TMEM131L: variants seen among roughly 807,000 people sequenced by gnomAD.
The protein encoded by TMEM131L is transmembrane protein 131-like.
Under a neutral mutation model 192.2 loss-of-function variants are expected in TMEM131L, and 54 were observed. The observed-to-expected ratio is 0.28, with a 90% confidence interval of 0.23 to 0.35. TMEM131L has a LOEUF of 0.35. Ranked by LOEUF, TMEM131L falls within the 10% of genes least tolerant of loss-of-function variation. The probability of loss-of-function intolerance (pLI) is 1.00; values close to 1 mark genes in which losing one functional copy is unlikely to be tolerated. For missense variants in TMEM131L, 1,888 were observed against 1,972.9 expected, an observed-to-expected ratio of 0.96 and a Z score of 0.82; for synonymous variants, 701 against 704.9, an observed-to-expected ratio of 0.99 and a Z score of 0.09.
At chr4:153,548,027 T>TC (rs71598297) in intron 3 of TMEM131L, among the ~76,000 whole-genome samples, 33,523 of 152,032 alleles carry the variant, frequency 0.22, 5,357 homozygotes, top group East Asian at 0.44. Context: ...TGTTTTTTTT[T>TC]TTCTTCTTCT....
At chr4:153,556,898 A>T in intron 5 of TMEM131L, 68 bp from the exon 6 acceptor site, 2 of 749,960 alleles carry the variant, frequency 2.7e-6, no homozygotes, top group Non-Finnish European at 4.7e-6. Context: ...TCAAAAAAAG[A>T]AAGTCTGTGA....
rs1202625607 is a variant in TMEM131L, at chr4:153,550,148, ATCTTT to A, written c.308+13_308+17del. ...TTTTAGATTTTGGAATACAGTAAGT[ATCTTT>A]TCTTTATAATTAAAACTCATTTTAT... On this transcript the variant is annotated splice_region_variant and intron_variant, in intron 4 of 34. Coordinates refer to ENST00000409959, the MANE Select transcript of TMEM131L (RefSeq NM_001131007.2). 7 of 1,218,516 alleles carry A rather than the reference ATCTTT, an allele frequency of 5.7e-6. No homozygotes were observed. The highest frequency in any genetic ancestry group is 7.9e-6 in the Non-Finnish European group (7 of 882,354). The allele number at this position is 1,218,516 out of a possible 1,614,324, so 75.5% of individuals were successfully genotyped here.
intron 31 of TMEM131L, among the ~76,000 whole-genome samples, chr4:153,628,274 G>C (rs750618769): frequency 2.0e-5 from 3 of 152,220 alleles, no homozygotes; most frequent in African/African-American, 7.2e-5. Context: ...GGGTGGGAAG[G>C]AAACCTCTCC....
At chr4:153,472,077 T>TA (rs140866546) in intron 2 of TMEM131L, among the ~76,000 whole-genome samples, 6,615 of 151,052 alleles carry the variant, frequency 0.044, 345 homozygotes, top group African/African-American at 0.12. Context: ...CCATCAACAT[T>TA]AAAAAAAAAT....
chr4:153,496,792 T>C (rs560828907), intron 3 of TMEM131L, among the ~76,000 whole-genome samples: 1 of 152,114 alleles, frequency 6.6e-6, no homozygotes, highest in Admixed American at 6.5e-5. Context: ...GCTCAAGTGA[T>C]CCACTCGCTT....
chr4:153,599,961 C>T (rs984881255), intron 21 of TMEM131L, among the ~76,000 whole-genome samples: 36 of 152,102 alleles, frequency 2.4e-4, no homozygotes, highest in Non-Finnish European at 2.9e-4. Context: ...TCTCTTGAAC[C>T]CAGGAGGCGG....
chr4:153,605,288 A>AG (rs1486784339), intron 25 of TMEM131L, among the ~76,000 whole-genome samples: 3 of 152,214 alleles, frequency 2.0e-5, no homozygotes, highest in African/African-American at 7.2e-5. Context: ...CTCTAGCATA[A>AG]GGGCCTGTGC....
chr4:153,544,063 C>G (rs1197624968), intron 3 of TMEM131L, among the ~76,000 whole-genome samples: 1 of 152,222 alleles, frequency 6.6e-6, no homozygotes, highest in Non-Finnish European at 1.5e-5. Context: ...CATCCAGCGG[C>G]TAAAGCCATT....
chr4:153,558,949 T>C (rs1445757259), intron 7 of TMEM131L, among the ~76,000 whole-genome samples: 3 of 152,368 alleles, frequency 2.0e-5, no homozygotes, highest in Non-Finnish European at 4.4e-5. Context: ...GGCTACTTTT[T>C]CCCTTTGATT....
chr4:153,582,131 A>G (rs993481394), intron 9 of TMEM131L, among the ~76,000 whole-genome samples: 2 of 152,180 alleles, frequency 1.3e-5, no homozygotes, highest in Non-Finnish European at 2.9e-5. Context: ...AACGTAGAGT[A>G]TACTAGTATC....
At chr4:153,476,436 G>A (rs769965012) in intron 3 of TMEM131L, among the ~76,000 whole-genome samples, 1 of 152,080 alleles carries the variant, frequency 6.6e-6, no homozygotes, top group Non-Finnish European at 1.5e-5. Context: ...AGTGGCTGAC[G>A]CCTGTAATCA....
At chr4:153,547,329 CA>C (rs1488117761) in intron 3 of TMEM131L, among the ~76,000 whole-genome samples, 1 of 152,146 alleles carries the variant, frequency 6.6e-6, no homozygotes, top group Non-Finnish European at 1.5e-5. Flanking sequence ...ATGAGACAGC[CA>C]AAGTTTATAT....
At chr4:153,511,666 T>C (rs1480421924) in intron 3 of TMEM131L, among the ~76,000 whole-genome samples, 1 of 152,194 alleles carries the variant, frequency 6.6e-6, no homozygotes, top group African/African-American at 2.4e-5. Flanking sequence ...CCTTTTTCCA[T>C]CTATATATGT....
At chr4:153,587,672 T>A (rs776918683) in intron 14 of TMEM131L, 70 bp from the exon 15 acceptor site, 15 of 1,137,556 alleles carry the variant, frequency 1.3e-5, no homozygotes, top group Non-Finnish European at 1.9e-5. Context: ...CTGCTTTGAA[T>A]TTTAGTGCAT....
At chr4:153,481,272 T>A (rs1372886644) in intron 3 of TMEM131L, among the ~76,000 whole-genome samples, 8 of 152,188 alleles carry the variant, frequency 5.3e-5, no homozygotes, top group Admixed American at 5.2e-4. Flanking sequence ...TTTCTCAGGG[T>A]ACCCAAGTTT....
At chr4:153,493,389 A>C (rs980694851) in intron 3 of TMEM131L, among the ~76,000 whole-genome samples, 6 of 129,290 alleles carry the variant, frequency 4.6e-5, no homozygotes, top group Non-Finnish European at 8.2e-5. Context: ...GGCTGGGCGC[A>C]GTGGCTCACA....
rs181769972 is a variant in TMEM131L, at chr4:153,634,353, A to G, written c.4417+73A>G. ...GGTCAAAGCAGGAAGTGTGTGGACT[A>G]AGAAGAATCCTTTTAACAGCGAGCA... On this transcript the variant is annotated intron_variant, in intron 33 of 34. Coordinates refer to ENST00000409959, the MANE Select transcript of TMEM131L (RefSeq NM_001131007.2). 5,614 of 1,221,908 alleles carry G rather than the reference A, an allele frequency of 4.6e-3. 22 individuals are homozygous for G. Among genetic ancestry groups the G allele is most frequent in the Middle Eastern group, 7.7e-3 (41 of 5,310 alleles). 75.7% of individuals were successfully genotyped at this position (1,221,908 alleles called of 1,614,324 possible).
rs761335144 is a variant in TMEM131L at position 153,604,227 on chromosome 4, C to T, written c.3215C>T (p.Ser1072Leu). 33 of 1,613,906 alleles carry T rather than the reference C, an allele frequency of 2.0e-5. No individual in the cohort carries two copies. Among genetic ancestry groups the T allele is most frequent in the Non-Finnish European group, 2.5e-5 (30 of 1,179,944 alleles). Residue 1072 changes from serine to leucine, a missense_variant, in exon 25 of 35, where the codon TCA becomes TTA. By Grantham distance (145) the Ser-to-Leu change is moderately radical. Coordinates refer to ENST00000409959, the MANE Select transcript of TMEM131L (RefSeq NM_001131007.2). ...KNTIVFSNPS[S>L]ECSMKEGIQT... ...ACAATTGTTTTCAGTAATCCTTCTT[C>T]AGAATGTAGTATGAAGGAGGGAATA...
intron 29 of TMEM131L, 28 bp downstream of exon 29, chr4:153,623,111 T>C: frequency 1.3e-6 from 2 of 1,540,616 alleles, no homozygotes; most frequent in Non-Finnish European, 1.7e-6. Context: ...CCCCAGGCAC[T>C]CTCGGTGGCC....
Sources: allele counts gnomAD v4.1 joint callset (sites outside exome capture counted in the v4.1 genomes callset), GRCh38; gene constraint gnomAD v4.1.1; transcripts MANE v1.5; gene names NCBI Gene and HGNC (gene_info 2026-07-23, HGNC 2026-07-21).